Variants in DAZAP2 observed in about 807,000 individuals in gnomAD.
The protein encoded by DAZAP2 is DAZ-associated protein 2.
In DAZAP2, 3 loss-of-function variants were observed where a neutral mutation model predicts 16.2. That is an observed-to-expected ratio of 0.19 (90% CI 0.08 to 0.48). The LOEUF (loss-of-function observed/expected upper bound fraction) is 0.48, where lower values mean the gene tolerates loss of function less well. Ranked by LOEUF, DAZAP2 falls within the 20% of genes least tolerant of loss-of-function variation. The pLI is 0.98. For synonymous variants in DAZAP2, 69 were observed against 77.6 expected, an observed-to-expected ratio of 0.89 and a Z score of 0.58; for missense variants, 172 against 215.9, an observed-to-expected ratio of 0.80 and a Z score of 1.27.
downstream of DAZAP2, chr12:51,244,819 A>ACTT (rs1305944593): frequency 3.2e-5 from 3 of 92,334 alleles, no homozygotes; most frequent in African/African-American, 1.3e-4. Flanking sequence ...CTCCCAGGGT[A>ACTT]CTTTTTTTTT....
In DAZAP2 at chr12:51,242,328, A is replaced by G; in HGVS notation, c.379-2A>G. On this transcript the variant is annotated splice_acceptor_variant, in intron 3 of 3. Transcript: ENST00000412716. LOFTEE classifies it high-confidence loss of function. ...CCATTCTATCATGTCATTTCCTTTCAGCCTCCACCTCCTGGATGCCCTCCC... is the reference window on the plus strand; with the variant it reads ...CCATTCTATCATGTCATTTCCTTTCGGCCTCCACCTCCTGGATGCCCTCCC... The G allele has an allele frequency of 1.3e-6, 2 of 1,583,308 alleles. No homozygotes were observed. The highest frequency in any genetic ancestry group is 1.7e-6 in the Non-Finnish European group (2 of 1,165,018).
rs2137283848 is a variant in DAZAP2 at position 51,241,085 on chromosome 12, T to G, written c.347T>G (p.Phe116Cys). The G allele has an allele frequency of 1.2e-6, 2 of 1,614,222 alleles. No individual in the cohort carries two copies. Among genetic ancestry groups the G allele is most frequent in the East Asian group, 4.5e-5 (2 of 44,892 alleles). Residue 116 changes from phenylalanine (F) to cysteine (C), a missense_variant, in exon 3 of 4, where the codon TTT becomes TGT. Physicochemically the swap from Phe to Cys is radical, Grantham distance 205. Coordinates refer to ENST00000412716, the MANE Select transcript of DAZAP2 (RefSeq NM_014764.4). The part of the protein sequence containing the change: ...VEGGYDAGAR[F>C]GAGATAGNIP... ...GGAGGGTATGATGCAGGTGCCAGAT[T>G]TGGAGCTGGGGCTACTGCTGGCAAC... is the stretch of plus-strand genomic sequence containing the variant.
chr12:51,239,032 T>A (rs1467377365), intron 1 of DAZAP2, 112 bp downstream of exon 1: 2 of 1,479,966 alleles, frequency 1.4e-6, no homozygotes, highest in African/African-American at 2.8e-5. Flanking sequence ...TGCGCCATGC[T>A]CCTTGGCCGG....
chr12:51,242,543 T>C lies in DAZAP2; in HGVS notation c.*85T>C. 1.9e-6 allele frequency: 3 copies of C among 1,613,146 alleles called. No homozygotes were observed. The highest frequency in any genetic ancestry group is 2.5e-6 in the Non-Finnish European group (3 of 1,179,934). On this transcript the variant is annotated 3_prime_UTR_variant, in exon 4 of 4. Transcript: ENST00000412716. ...TGTAACTGCTTTAGTCATATTAACCTGAAGTTGCAGTTTAGACACATGTTG... is the reference window on the plus strand; with the variant it reads ...TGTAACTGCTTTAGTCATATTAACCCGAAGTTGCAGTTTAGACACATGTTG...
chr12:51,243,059 A>G lies in DAZAP2; in HGVS notation c.*601A>G. ...TTCCTCGCACTTCTCCCCACTCGTCATCTTTTAACTAGTGTTTCACAAGGA... is the reference window on the plus strand; with the variant it reads ...TTCCTCGCACTTCTCCCCACTCGTCGTCTTTTAACTAGTGTTTCACAAGGA... On this transcript the variant is annotated 3_prime_UTR_variant, in exon 4 of 4. Transcript: ENST00000412716. 1 of 992,966 alleles carries G rather than the reference A, an allele frequency of 1.0e-6. No individual in the cohort carries two copies. Among genetic ancestry groups the G allele is most frequent in the Non-Finnish European group, 1.2e-6 (1 of 834,982 alleles). The allele number at this position is 992,966 out of a possible 1,614,324, so 61.5% of individuals were successfully genotyped here.
At chr12:51,244,374 T>TA (rs752958119), downstream of DAZAP2, among the ~76,000 whole-genome samples, 1 of 152,158 alleles carries the variant, frequency 6.6e-6, no homozygotes, top group Non-Finnish European at 1.5e-5. Flanking sequence ...TTTCTGTACT[T>TA]TTAGTAGAGA....
At chr12:51,242,285 A>G (rs771123020) in intron 3 of DAZAP2, 45 bp from the exon 4 acceptor site, 7 of 1,530,700 alleles carry the variant, frequency 4.6e-6, no homozygotes, top group Non-Finnish European at 6.1e-6. Flanking sequence ...CCCTTCGCTT[A>G]TATTAGCTGC....
At position 51,243,078 on chromosome 12, in the gene DAZAP2, A is replaced by G. The variant is rs1274214712; in HGVS notation, c.*620A>G. The G allele has an allele frequency of 1.6e-5, 16 of 990,156 alleles. No homozygotes were observed. Among genetic ancestry groups the G allele is most frequent in the Non-Finnish European group, 1.9e-5 (16 of 833,310 alleles). 61.3% of individuals were successfully genotyped at this position (990,156 alleles called of 1,614,324 possible). A position where few individuals can be genotyped will look rare whatever the true frequency, so the allele number is the denominator to read the frequency against. ...CTCGTCATCTTTTAACTAGTGTTTC[A>G]CAAGGATCCTCTGAAACCCTCTCTG... On this transcript the variant is annotated 3_prime_UTR_variant, in exon 4 of 4. Coordinates refer to ENST00000412716, the MANE Select transcript of DAZAP2 (RefSeq NM_014764.4).
downstream of DAZAP2, chr12:51,245,899 A>G (rs1944761743): frequency 6.3e-7 from 1 of 1,584,478 alleles, no homozygotes; most frequent in Non-Finnish European, 8.6e-7. Context: ...TCAACGTGTT[A>G]GCGATGGAGC....
chr12:51,240,211 T>C (rs1944647641), intron 1 of DAZAP2, 132 bp from the exon 2 acceptor site: 1 of 714,580 alleles, frequency 1.4e-6, no homozygotes, highest in Non-Finnish European at 2.5e-6. Flanking sequence ...GTTCCAGGAA[T>C]CAGGCCCTCT....
Position 51,240,855 on chromosome 12 carries a change from C to T in DAZAP2, c.133-16C>T. 6.2e-7 allele frequency: 1 copy of T among 1,608,960 alleles called. No homozygotes were observed. Among genetic ancestry groups the T allele is most frequent in the Non-Finnish European group, 8.5e-7 (1 of 1,176,170 alleles). ...GTCATAAAGTAACATTTTGCCTTCT[C>T]TTCTGCCTCTTCTAGCTCTATCGTC... On this transcript the variant is annotated splice_polypyrimidine_tract_variant and intron_variant, in intron 2 of 3. Coordinates refer to ENST00000412716, the MANE Select transcript of DAZAP2 (RefSeq NM_014764.4).
chr12:51,246,604 C>CTATG, downstream of DAZAP2: 1 of 336,948 alleles, frequency 3.0e-6, no homozygotes, highest in South Asian at 1.1e-4. Context: ...TCTTTTATGG[C>CTATG]TGTGTGTGTG....
intron 3 of DAZAP2, among the ~76,000 whole-genome samples, chr12:51,241,915 CTA>C (rs762441020): frequency 6.7e-6 from 1 of 150,302 alleles, no homozygotes; most frequent in Non-Finnish European, 1.5e-5. Flanking sequence ...GAGCAAGACT[CTA>C]TCTCAAAAAA....
At chr12:51,241,835 C>T (rs1226319312) in intron 3 of DAZAP2, among the ~76,000 whole-genome samples, 4 of 151,946 alleles carry the variant, frequency 2.6e-5, no homozygotes, top group Non-Finnish European at 4.4e-5. Flanking sequence ...ACAGGAGAAT[C>T]ACTTGAACCT....
Position 51,242,577 on chromosome 12 carries a change from T to C in DAZAP2, c.*119T>C. The C allele has an allele frequency of 6.2e-7, 1 of 1,609,306 alleles. No individual in the cohort carries two copies. The highest frequency in any genetic ancestry group is 8.5e-7 in the Non-Finnish European group (1 of 1,178,046). On this transcript the variant is annotated 3_prime_UTR_variant, in exon 4 of 4. Coordinates refer to ENST00000412716, the MANE Select transcript of DAZAP2 (RefSeq NM_014764.4). Reference sequence around the variant, plus strand: ...AGTTTAGACACATGTTGTTGGGGTGTCTTTCTGGTGCCCAAACTTTCAGGC... The same window carrying C: ...AGTTTAGACACATGTTGTTGGGGTGCCTTTCTGGTGCCCAAACTTTCAGGC...
chr12:51,239,292 A>C, intron 1 of DAZAP2: 1 of 250,876 alleles, frequency 4.0e-6, no homozygotes, highest in East Asian at 9.7e-5. Context: ...GCCGAACTTA[A>C]CTACTGAATT....
Position 51,242,745 on chromosome 12 carries a change from G to A in DAZAP2, c.*287G>A. On this transcript the variant is annotated 3_prime_UTR_variant, in exon 4 of 4. Coordinates refer to ENST00000412716, the MANE Select transcript of DAZAP2 (RefSeq NM_014764.4). Reference sequence around the variant, plus strand: ...CCTTTAATTTCTCTGGAGTAATACTGTACCATACTGGTCTTTGCTTTTAGT... The same window carrying A: ...CCTTTAATTTCTCTGGAGTAATACTATACCATACTGGTCTTTGCTTTTAGT... 6.9e-7 allele frequency: 1 copy of A among 1,441,234 alleles called. No homozygotes were observed. The highest frequency in any genetic ancestry group is 2.5e-5 in the East Asian group (1 of 39,866). 89.3% of individuals were successfully genotyped at this position (1,441,234 alleles called of 1,614,324 possible).
chr12:51,242,341 T>C lies in DAZAP2; in HGVS notation c.390T>C (p.Pro130=), dbSNP rs755664500. Residue 130 remains proline, a synonymous_variant, in exon 4 of 4, where the codon CCT becomes CCC. Transcript: ENST00000412716. ...TCATTTCCTTTCAGCCTCCACCTCC[T>C]GGATGCCCTCCCAATGCTGCTCAGC... ...ATAGNIPPPP[P]GCPPNAAQLA... is the part of the protein sequence containing the mutation. 1.3e-6 allele frequency: 2 copies of C among 1,596,278 alleles called. No homozygotes were observed. The highest frequency in any genetic ancestry group is 1.7e-6 in the Non-Finnish European group (2 of 1,170,554).
intron 1 of DAZAP2, 197 bp from the exon 2 acceptor site, chr12:51,240,146 G>C (rs980079098): frequency 3.4e-6 from 2 of 584,650 alleles, no homozygotes; most frequent in Admixed American, 3.0e-5. Flanking sequence ...TTCTTGTCTC[G>C]TTAGAATCCA....
Sources: allele counts gnomAD v4.1 joint callset (sites outside exome capture counted in the v4.1 genomes callset), GRCh38; gene constraint gnomAD v4.1.1; transcripts MANE v1.5; gene names NCBI Gene and HGNC (gene_info 2026-07-23, HGNC 2026-07-21).